The following SGK3 variants were observed in gnomAD, a reference collection of about 807,000 sequenced individuals.
The protein encoded by SGK3 is serine/threonine-protein kinase Sgk3.
SGK3 carries 47 observed loss-of-function variants against 68.5 expected under a neutral mutation model. That is an observed-to-expected ratio of 0.69 (90% CI 0.54 to 0.87). The LOEUF is 0.87. Ranked by LOEUF, SGK3 falls within the 40% of genes least tolerant of loss-of-function variation. The pLI is 0.00. For synonymous variants in SGK3, 181 were observed against 189.1 expected, an observed-to-expected ratio of 0.96 and a Z score of 0.35; for missense variants, 479 against 575.5, an observed-to-expected ratio of 0.83 and a Z score of 1.72.
In SGK3 at chr8:66,839,716, C is replaced by T. The variant is rs576236759; in HGVS notation, c.742-287C>T. On this transcript the variant is annotated intron_variant, in intron 10 of 16. Coordinates refer to ENST00000521198, the MANE Select transcript of SGK3 (RefSeq NM_001033578.3). ...TCTTCATCGATAATCTTTTCCAGAA[C>T]AGTTGCCTGGAAGGGTGAGGACATT... 1.7e-3 allele frequency: 469 copies of T among 275,334 alleles called. 2 individuals are homozygous for T. Among genetic ancestry groups the T allele is most frequent in the Non-Finnish European group, 2.6e-3 (379 of 147,952 alleles). 17.1% of individuals were successfully genotyped at this position (275,334 alleles called of 1,614,324 possible). A position where few individuals can be genotyped will look rare whatever the true frequency, so the allele number is the denominator to read the frequency against.
intron 1 of SGK3, chr8:66,767,606 G>A: frequency 7.3e-7 from 1 of 1,364,314 alleles, no homozygotes; most frequent in South Asian, 1.2e-5. Context: ...GCAATCTGGT[G>A]CTCTTCAGGC....
chr8:66,804,206 T>C lies in SGK3; in HGVS notation c.181-169T>C, dbSNP rs77394370. 6.6e-5 allele frequency among the ~76,000 whole-genome samples: 10 copies of C among 152,284 alleles called. No homozygotes were observed. The East Asian group carries it at 1.9e-3, about 29-fold the overall frequency. On this transcript the variant is annotated intron_variant, in intron 3 of 16. Transcript: ENST00000521198. The stretch of plus-strand genomic sequence containing the variant: ...ATTGGGACTAAAAAAGACGATTAGT[T>C]TGTGACATTTTATTGGTATAATTTA...
chr8:66,796,321 A>ATTTTTTTTTTTTTTTTTTT lies in SGK3; in HGVS notation c.97-2208_97-2190dup, dbSNP rs71249408. On this transcript the variant is annotated intron_variant, in intron 2 of 16. Coordinates refer to ENST00000521198, the MANE Select transcript of SGK3 (RefSeq NM_001033578.3). Reference sequence around the variant, plus strand: ...CCAGCTAATTTTTTGTATTTTTTGTATTTTTTTTTTTTTTTTTTTTTTTTT... The same window carrying ATTTTTTTTTTTTTTTTTTT: ...CCAGCTAATTTTTTGTATTTTTTGTATTTTTTTTTTTTTTTTTTTTTTTTTTTTTTTTTTTTTTTTTTTT... 1.0e-2 allele frequency among the ~76,000 whole-genome samples: 413 copies of ATTTTTTTTTTTTTTTTTTT among 41,340 alleles called. 48 individuals are homozygous for ATTTTTTTTTTTTTTTTTTT. The highest frequency in any genetic ancestry group is 0.013 in the Non-Finnish European group (293 of 22,662). 27.1% of individuals were successfully genotyped at this position (41,340 alleles called of 152,430 possible). A position where few individuals can be genotyped will look rare whatever the true frequency, so the allele number is the denominator to read the frequency against.
Position 66,719,341 on chromosome 8 carries a change from TC to T in SGK3, c.-122+6509del, listed in dbSNP as rs2130327795. ...ATTTGTTTGTTTGTTTGTTTGTTTA[TC>T]TTGTGACAGGGTTTTAGTCTATCTC... On this transcript the variant is annotated intron_variant, in intron 1 of 16. Transcript: ENST00000521198. 2.0e-5 allele frequency among the ~76,000 whole-genome samples: 3 copies of T among 152,202 alleles called. No individual in the cohort carries two copies. The South Asian group carries it at 6.2e-4, about 32-fold the overall frequency.
intron 16 of SGK3, among the ~76,000 whole-genome samples, chr8:66,856,131 G>C (rs902049047): frequency 6.6e-6 from 1 of 151,208 alleles, no homozygotes. Context: ...GCAGTGGCAC[G>C]ATATTGGCTC....
intron 12 of SGK3, 152 bp from the exon 13 acceptor site, chr8:66,840,872 G>A (rs1435733238): frequency 5.1e-6 from 2 of 391,172 alleles, no homozygotes; most frequent in African/African-American, 2.1e-5. Flanking sequence ...AACCCAGGAG[G>A]CAGAGGTTGC....
chr8:66,788,530 A>G (rs1375799691), intron 1 of SGK3, among the ~76,000 whole-genome samples: 1 of 152,206 alleles, frequency 6.6e-6, no homozygotes, highest in African/African-American at 2.4e-5. Context: ...GTGCTGAGGC[A>G]TAGGCTCAAG....
At chr8:66,828,561 T>C in intron 6 of SGK3, 93 bp from the exon 7 acceptor site, 1 of 1,569,220 alleles carries the variant, frequency 6.4e-7, no homozygotes, top group East Asian at 2.3e-5. Flanking sequence ...AAACCAAATA[T>C]TTGTGGTACA....
intron 1 of SGK3, among the ~76,000 whole-genome samples, chr8:66,715,421 C>T (rs995523510): frequency 2.0e-5 from 3 of 152,136 alleles, no homozygotes; most frequent in African/African-American, 7.2e-5. Flanking sequence ...CCATACCTGG[C>T]TAATTTTTGT....
rs572452951 is a variant in SGK3 at position 66,778,546 on chromosome 8, C to T, written c.-121-15070C>T. Among the ~76,000 whole-genome samples, 166 of 152,380 alleles carry T rather than the reference C, an allele frequency of 1.1e-3. 1 individual carries two copies. Among genetic ancestry groups the T allele is most frequent in the Non-Finnish European group, 1.5e-3 (104 of 68,038 alleles). Reference sequence around the variant, plus strand: ...CTCCTGACCTCATGATCGCCCGCCTCGGCCTCCCCAAGTGCCAGGATTACA... The same window carrying T: ...CTCCTGACCTCATGATCGCCCGCCTTGGCCTCCCCAAGTGCCAGGATTACA... On this transcript the variant is annotated intron_variant, in intron 1 of 16. Transcript: ENST00000521198.
chr8:66,775,903 C>G (rs1806689323), intron 1 of SGK3, among the ~76,000 whole-genome samples: 1 of 151,642 alleles, frequency 6.6e-6, no homozygotes, highest in Non-Finnish European at 1.5e-5. Context: ...GGCAATTTGC[C>G]TAACTTTTCT....
At position 66,841,088 on chromosome 8, in the gene SGK3, C is replaced by T; in HGVS notation, c.956C>T (p.Thr319Ile). The T allele has an allele frequency of 6.3e-7, 1 of 1,593,156 alleles. No individual in the cohort carries two copies. The highest frequency in any genetic ancestry group is 2.3e-5 in the East Asian group (1 of 43,576). Residue 319 changes from threonine to isoleucine, a missense_variant, in exon 13 of 17, where the codon ACC becomes ATC. By Grantham distance (89) the Thr-to-Ile change is moderately conservative. Coordinates refer to ENST00000521198, the MANE Select transcript of SGK3 (RefSeq NM_001033578.3). ...KEGIAISDTT[T>I]TFCGTPEYLA... ...GGAATTGCTATTTCTGACACCACTA[C>T]CACATTTTGTGGGACACCAGAGGTA...
chr8:66,762,974 A>G (rs1806217411), intron 1 of SGK3, among the ~76,000 whole-genome samples: 2 of 152,266 alleles, frequency 1.3e-5, no homozygotes, highest in South Asian at 2.1e-4. Context: ...CAGGAGGCAT[A>G]AAATGTTTGG....
At chr8:66,782,290 C>T (rs1807020153) in intron 1 of SGK3, among the ~76,000 whole-genome samples, 1 of 152,044 alleles carries the variant, frequency 6.6e-6, no homozygotes, top group East Asian at 1.9e-4. Flanking sequence ...GGTCATTTCC[C>T]CTTGCCACAT....
chr8:66,742,992 T>C (rs531634757), intron 1 of SGK3, among the ~76,000 whole-genome samples: 6 of 152,328 alleles, frequency 3.9e-5, no homozygotes, highest in African/African-American at 1.4e-4. Flanking sequence ...AACAGCCTTT[T>C]TCCCATTCAC....
At chr8:66,754,108 G>A (rs1241078950) in intron 1 of SGK3, among the ~76,000 whole-genome samples, 3 of 152,098 alleles carry the variant, frequency 2.0e-5, no homozygotes, top group Non-Finnish European at 2.9e-5. Flanking sequence ...TTAGAGGCCT[G>A]GAGGTGGGAC....
intron 4 of SGK3, among the ~76,000 whole-genome samples, chr8:66,812,168 C>T (rs1432122711): frequency 6.6e-6 from 1 of 152,156 alleles, no homozygotes; most frequent in Non-Finnish European, 1.5e-5. Flanking sequence ...AACCAAAACT[C>T]ATTGTCAAGT....
intron 13 of SGK3, among the ~76,000 whole-genome samples, chr8:66,842,815 T>C (rs1328015422): frequency 6.6e-6 from 1 of 152,156 alleles, no homozygotes; most frequent in Non-Finnish European, 1.5e-5. Flanking sequence ...ATGCCAGTAA[T>C]CCCAGCACTT....
chr8:66,812,204 C>T (rs1808406076), intron 4 of SGK3, among the ~76,000 whole-genome samples: 1 of 151,976 alleles, frequency 6.6e-6, no homozygotes, highest in African/African-American at 2.4e-5. Flanking sequence ...GGTTTTTATC[C>T]AGACATTTGC....
Sources: allele counts gnomAD v4.1 joint callset (sites outside exome capture counted in the v4.1 genomes callset), GRCh38; gene constraint gnomAD v4.1.1; transcripts MANE v1.5; gene names NCBI Gene and HGNC (gene_info 2026-07-23, HGNC 2026-07-21).